CTNND2: variants seen among roughly 807,000 people sequenced by gnomAD.
The protein encoded by CTNND2 is catenin delta-2.
Under a neutral mutation model 144.4 loss-of-function variants are expected in CTNND2, and 22 were observed. The ratio of observed to expected loss-of-function variants is 0.15; its 90% CI spans 0.11 to 0.22. The LOEUF (loss-of-function observed/expected upper bound fraction) is 0.22, where lower values mean the gene tolerates loss of function less well. CTNND2 is among the 10% of genes least tolerant of loss of function. The pLI is 1.00. For synonymous variants in CTNND2, 751 were observed against 695.6 expected (o/e 1.08, Z -1.25); for missense variants, 1,353 against 1,618.8 (o/e 0.84, Z 2.82).
In CTNND2 at chr5:11,767,002, AC is replaced by A. The variant is rs11329472; in HGVS notation, c.38-34731del. Among the ~76,000 whole-genome samples, 1,163 of 151,568 alleles carry A rather than the reference AC, an allele frequency of 7.7e-3. 13 individuals are homozygous for A. The highest frequency in any genetic ancestry group is 0.024 in the Middle Eastern group (7 of 292). The stretch of plus-strand genomic sequence containing the variant: ...CAGAGCTCACCCTGAGACCCACCCC[AC>A]CCCACTGCACAACACTCCATCCATC... On this transcript the variant is annotated intron_variant, in intron 1 of 21. Transcript: ENST00000304623.
chr5:11,492,546 T>C (rs1033231921), intron 3 of CTNND2, among the ~76,000 whole-genome samples: 5 of 151,520 alleles, frequency 3.3e-5, no homozygotes, highest in African/African-American at 1.2e-4. Context: ...TATGTGTGTG[T>C]ATCTGGACTT....
chr5:11,561,216 T>TAAA (rs1776660363), intron 3 of CTNND2, among the ~76,000 whole-genome samples: 1 of 152,158 alleles, frequency 6.6e-6, no homozygotes, highest in South Asian at 2.1e-4. Flanking sequence ...TGACCCTTCA[T>TAAA]AAAAAAGCAT....
At chr5:11,886,011 C>G (rs1318685768) in intron 1 of CTNND2, among the ~76,000 whole-genome samples, 1 of 151,740 alleles carries the variant, frequency 6.6e-6, no homozygotes, top group South Asian at 2.1e-4. Context: ...ATACCAAAAC[C>G]TATGGAATAC....
chr5:11,501,136 TTAGA>T lies in CTNND2; in HGVS notation c.287+63804_287+63807del, dbSNP rs556167590. On this transcript the variant is annotated intron_variant, in intron 3 of 21. Coordinates refer to ENST00000304623, the MANE Select transcript of CTNND2 (RefSeq NM_001332.4). Reference sequence around the variant, plus strand: ...GTTTATCTAATTGTTCATTCTCTTATTAGATAGCCTGTAAAAACAATATGGTTAC... The same window carrying T: ...GTTTATCTAATTGTTCATTCTCTTATTAGCCTGTAAAAACAATATGGTTAC... 2.9e-3 allele frequency among the ~76,000 whole-genome samples: 445 copies of T among 152,350 alleles called. 4 individuals carry two copies. Among genetic ancestry groups the T allele is most frequent in the African/African-American group, 0.01 (436 of 41,586 alleles).
At chr5:11,170,675 G>A (rs895411804) in intron 11 of CTNND2, among the ~76,000 whole-genome samples, 1 of 152,072 alleles carries the variant, frequency 6.6e-6, no homozygotes, top group African/African-American at 2.4e-5. Flanking sequence ...AAACCCAATT[G>A]TTCATCTATT....
intron 2 of CTNND2, among the ~76,000 whole-genome samples, chr5:11,594,195 G>A (rs990564563): frequency 6.6e-6 from 1 of 152,180 alleles, no homozygotes; most frequent in Non-Finnish European, 1.5e-5. Context: ...CGTACACAGT[G>A]AAATACTATT....
Position 11,101,128 on chromosome 5 carries a change from T to C in CTNND2, c.2464-2380A>G, listed in dbSNP as rs79124065. The stretch of plus-strand genomic sequence containing the variant: ...GGGGATTCTTGGCTATTTTAGCACG[T>C]TGATATTGAAGAAAAAGGACTATTT... On this transcript the variant is annotated intron_variant, in intron 14 of 21. Coordinates refer to ENST00000304623, the MANE Select transcript of CTNND2 (RefSeq NM_001332.4). Among the ~76,000 whole-genome samples the C allele has an allele frequency of 2.6e-3, 395 of 152,328 alleles. 3 individuals carry two copies. The highest frequency in any genetic ancestry group is 8.7e-3 in the African/African-American group (363 of 41,568).
At chr5:11,419,044 A>C (rs147370527) in intron 3 of CTNND2, among the ~76,000 whole-genome samples, 1,465 of 139,902 alleles carry the variant, frequency 0.01, 25 homozygotes, top group African/African-American at 0.033. Context: ...AGATATATAG[A>C]TAGACATCTA....
intron 16 of CTNND2, among the ~76,000 whole-genome samples, chr5:11,069,059 G>A (rs552530414): frequency 1.1e-3 from 163 of 152,308 alleles, no homozygotes; most frequent in South Asian, 3.3e-3. Flanking sequence ...CAGTAACTAC[G>A]CAACGTGTAT....
intron 3 of CTNND2, among the ~76,000 whole-genome samples, chr5:11,415,113 T>C (rs1055644991): frequency 1.3e-5 from 2 of 152,212 alleles, no homozygotes; most frequent in East Asian, 1.9e-4. Flanking sequence ...TGTAATGGGA[T>C]TGTCGGGTTG....
intron 14 of CTNND2, among the ~76,000 whole-genome samples, chr5:11,101,620 G>A (rs1751883056): frequency 6.6e-6 from 1 of 152,210 alleles, no homozygotes; most frequent in African/African-American, 2.4e-5. Flanking sequence ...ACCACACAGT[G>A]ATTCAGCCCT....
intron 1 of CTNND2, among the ~76,000 whole-genome samples, chr5:11,897,687 C>A (rs1383666447): frequency 1.3e-5 from 2 of 152,108 alleles, no homozygotes; most frequent in African/African-American, 2.4e-5. Flanking sequence ...ATTTCATGGA[C>A]CATAGTTGCT....
intron 3 of CTNND2, among the ~76,000 whole-genome samples, chr5:11,472,727 T>C (rs1050931807): frequency 6.6e-6 from 1 of 152,212 alleles, no homozygotes; most frequent in Non-Finnish European, 1.5e-5. Flanking sequence ...TTAGAACTGA[T>C]ATTGATTTTT....
At chr5:11,312,568 T>A (rs1751093128) in intron 9 of CTNND2, among the ~76,000 whole-genome samples, 1 of 149,144 alleles carries the variant, frequency 6.7e-6, no homozygotes, top group South Asian at 2.1e-4. Flanking sequence ...TTCCCCTGGG[T>A]CCCTCTCACA....
chr5:11,754,719 G>A (rs1581829230), intron 1 of CTNND2, among the ~76,000 whole-genome samples: 1 of 151,614 alleles, frequency 6.6e-6, no homozygotes, highest in East Asian at 1.9e-4. Flanking sequence ...TGCCCTTTTT[G>A]TCTGTTTTGA....
intron 3 of CTNND2, among the ~76,000 whole-genome samples, chr5:11,519,278 AG>A (rs1054133843): frequency 4.5e-4 from 69 of 152,312 alleles, no homozygotes; most frequent in African/African-American, 1.6e-3. Flanking sequence ...CACTTCTTTG[AG>A]TACCATTTAC....
chr5:11,717,531 C>A (rs1786420960), intron 2 of CTNND2, among the ~76,000 whole-genome samples: 1 of 149,410 alleles, frequency 6.7e-6, no homozygotes, highest in South Asian at 2.1e-4. Context: ...GAGCTGAGAT[C>A]ACGCCACTGC....
At chr5:11,850,757 A>G (rs1418383059) in intron 1 of CTNND2, among the ~76,000 whole-genome samples, 1 of 152,196 alleles carries the variant, frequency 6.6e-6, no homozygotes, top group Non-Finnish European at 1.5e-5. Flanking sequence ...TACATTTTGT[A>G]CTATCCAATA....
intron 3 of CTNND2, among the ~76,000 whole-genome samples, chr5:11,454,443 A>T (rs1765557032): frequency 6.6e-6 from 1 of 152,262 alleles, no homozygotes; most frequent in Non-Finnish European, 1.5e-5. Context: ...AGTAAATAAT[A>T]AAAAATTAAA....
Sources: allele counts gnomAD v4.1 joint callset (sites outside exome capture counted in the v4.1 genomes callset), GRCh38; gene constraint gnomAD v4.1.1; transcripts MANE v1.5; gene names NCBI Gene and HGNC (gene_info 2026-07-23, HGNC 2026-07-21).